The following CERS6 variants were observed in gnomAD, a reference collection of about 807,000 sequenced individuals.
CERS6 encodes ceramide synthase 6, also known as LAG1 homolog, ceramide synthase 6.
Under a neutral mutation model 56.8 loss-of-function variants are expected in CERS6, and 26 were observed. The observed-to-expected ratio is 0.46, with a 90% confidence interval of 0.34 to 0.63. CERS6 has a LOEUF of 0.63. Ranked by LOEUF, CERS6 falls within the 30% of genes least tolerant of loss-of-function variation. The pLI is 0.01. For missense variants in CERS6, 415 were observed against 467.5 expected (o/e 0.89, Z 1.04); for synonymous variants, 164 against 173.3 (o/e 0.95, Z 0.42).
chr2:168,738,170 A>T (rs182535811), intron 8 of CERS6, among the ~76,000 whole-genome samples: 16 of 152,358 alleles, frequency 1.1e-4, no homozygotes, highest in Non-Finnish European at 7.3e-5. Context: ...GACTCAAATT[A>T]TGAGTTAGGA....
chr2:168,595,208 G>A (rs980516346), intron 3 of CERS6, among the ~76,000 whole-genome samples: 4 of 152,170 alleles, frequency 2.6e-5, no homozygotes, highest in African/African-American at 9.7e-5. Context: ...TTTACTGGGG[G>A]AAGCATTACA....
At chr2:168,765,232 G>C (rs1165302683) in intron 8 of CERS6, among the ~76,000 whole-genome samples, 2 of 152,182 alleles carry the variant, frequency 1.3e-5, no homozygotes, top group African/African-American at 2.4e-5. Flanking sequence ...AAGATGAAAA[G>C]TGTGCTGAGC....
At chr2:168,649,650 GCT>G (rs1356003178) in intron 4 of CERS6, among the ~76,000 whole-genome samples, 1 of 152,066 alleles carries the variant, frequency 6.6e-6, no homozygotes, top group Non-Finnish European at 1.5e-5. Context: ...CCCCGTAGCA[GCT>G]CTGTTTTGCC....
intron 5 of CERS6, among the ~76,000 whole-genome samples, chr2:168,693,411 A>T (rs1378588429): frequency 6.6e-6 from 1 of 152,108 alleles, no homozygotes; most frequent in Admixed American, 6.6e-5. Context: ...AGTTGCCCTT[A>T]TAATTCCTCT....
At chr2:168,460,729 G>A (rs1053389866) in intron 1 of CERS6, among the ~76,000 whole-genome samples, 1 of 152,140 alleles carries the variant, frequency 6.6e-6, no homozygotes, top group African/African-American at 2.4e-5. Flanking sequence ...TGATGACTGG[G>A]TAAGAATGAG....
chr2:168,761,438 A>G (rs753092354), intron 8 of CERS6, among the ~76,000 whole-genome samples: 32 of 152,230 alleles, frequency 2.1e-4, no homozygotes, highest in Non-Finnish European at 3.8e-4. Flanking sequence ...TCTATAATCC[A>G]GCAAAGGTTA....
intron 4 of CERS6, among the ~76,000 whole-genome samples, chr2:168,666,581 A>T (rs996083065): frequency 6.6e-6 from 1 of 152,166 alleles, no homozygotes; most frequent in African/African-American, 2.4e-5. Context: ...GGTTGCTTCA[A>T]TATTTTGGTA....
intron 6 of CERS6, among the ~76,000 whole-genome samples, chr2:168,697,843 A>G (rs1053805965): frequency 6.6e-6 from 1 of 152,188 alleles, no homozygotes; most frequent in African/African-American, 2.4e-5. Context: ...GGCTTCCAGA[A>G]GCCTAGTCCT....
intron 8 of CERS6, among the ~76,000 whole-genome samples, chr2:168,752,029 T>TAAA (rs1049315874): frequency 2.0e-5 from 3 of 152,190 alleles, no homozygotes; most frequent in African/African-American, 7.2e-5. Flanking sequence ...TTATCTATCT[T>TAAA]AAAATCTCTC....
At chr2:168,637,105 A>G (rs1381092768) in intron 4 of CERS6, among the ~76,000 whole-genome samples, 2 of 152,188 alleles carry the variant, frequency 1.3e-5, no homozygotes, top group Non-Finnish European at 2.9e-5. Flanking sequence ...CCTCCTTGGA[A>G]GGTGGCACAG....
chr2:168,667,061 T>C (rs572512577), intron 4 of CERS6, among the ~76,000 whole-genome samples: 1 of 152,358 alleles, frequency 6.6e-6, no homozygotes, highest in African/African-American at 2.4e-5. Context: ...TTTTCACATA[T>C]GACATGGATA....
chr2:168,742,609 G>A (rs897699172), intron 8 of CERS6, among the ~76,000 whole-genome samples: 1 of 152,170 alleles, frequency 6.6e-6, no homozygotes, highest in Admixed American at 6.5e-5. Context: ...AAGATTGTGG[G>A]CAAATATCTA....
At chr2:168,565,441 T>C (rs1695868029) in intron 3 of CERS6, among the ~76,000 whole-genome samples, 1 of 152,218 alleles carries the variant, frequency 6.6e-6, no homozygotes, top group South Asian at 2.1e-4. Context: ...TCAGAAATAC[T>C]AAAAGGTGAA....
At chr2:168,486,800 G>A (rs1694284780) in intron 1 of CERS6, among the ~76,000 whole-genome samples, 1 of 152,046 alleles carries the variant, frequency 6.6e-6, no homozygotes, top group African/African-American at 2.4e-5. Flanking sequence ...TGTGTAGTTA[G>A]CATTTCACTC....
At chr2:168,767,505 T>C (rs1228935753) in intron 9 of CERS6, among the ~76,000 whole-genome samples, 1 of 152,266 alleles carries the variant, frequency 6.6e-6, no homozygotes, top group African/African-American at 2.4e-5. Flanking sequence ...CAATTATCTT[T>C]AGCCATTTTG....
intron 3 of CERS6, among the ~76,000 whole-genome samples, chr2:168,600,520 A>C (rs1412705470): frequency 2.0e-5 from 3 of 152,152 alleles, no homozygotes; most frequent in African/African-American, 7.2e-5. Context: ...ACTTCTCTTA[A>C]AGCAAGAGGA....
chr2:168,651,445 G>T (rs568653410), intron 4 of CERS6, among the ~76,000 whole-genome samples: 1 of 152,304 alleles, frequency 6.6e-6, no homozygotes, highest in African/African-American at 2.4e-5. Flanking sequence ...TTAAGTAACT[G>T]TATTAGTTCG....
rs58550032 is a variant in CERS6, at chr2:168,484,494, T to C, written c.170+27876T>C. On this transcript the variant is annotated intron_variant, in intron 1 of 9. Coordinates refer to ENST00000305747, the MANE Select transcript of CERS6 (RefSeq NM_203463.3). The stretch of plus-strand genomic sequence containing the variant: ...ACTGTGCTTCGCTTTGTTTTTTTTT[T>C]CCAAATCTTGAGGAGGGAAGAAAGT... Among the ~76,000 whole-genome samples, 518 of 152,076 alleles carry C rather than the reference T, an allele frequency of 3.4e-3. 3 individuals carry two copies. The highest frequency in any genetic ancestry group is 0.011 in the African/African-American group (476 of 41,534).
At chr2:168,764,095 A>G (rs1684659883) in intron 8 of CERS6, among the ~76,000 whole-genome samples, 1 of 152,172 alleles carries the variant, frequency 6.6e-6, no homozygotes, top group Non-Finnish European at 1.5e-5. Context: ...ATTCAAATAC[A>G]TACTCTTACG....
Sources: gnomAD v4.1 joint callset for allele counts (sites outside exome capture counted in the v4.1 genomes callset) on GRCh38, gnomAD v4.1.1 for gene constraint, MANE v1.5 for transcripts, NCBI Gene and HGNC (gene_info 2026-07-23, HGNC 2026-07-21) for gene names.